The following DTNB variants were observed in gnomAD, a reference collection of about 807,000 sequenced individuals.
DTNB encodes the protein DTN-B.
Under a neutral mutation model 90.7 loss-of-function variants are expected in DTNB, and 63 were observed. That is an observed-to-expected ratio of 0.69 (90% CI 0.57 to 0.86). The LOEUF (loss-of-function observed/expected upper bound fraction) is 0.86. DTNB is among the 40% of genes least tolerant of loss of function. The pLI is 0.00. For synonymous variants in DTNB, 277 were observed against 286.7 expected, an observed-to-expected ratio of 0.97 and a Z score of 0.34; for missense variants, 744 against 807.1, an observed-to-expected ratio of 0.92 and a Z score of 0.95.
At chr2:25,531,683 G>A in intron 8 of DTNB, 86 bp from the exon 9 acceptor site, 7 of 1,496,294 alleles carry the variant, frequency 4.7e-6, no homozygotes, top group Non-Finnish European at 6.2e-6. Context: ...TGTGACAAGA[G>A]TGTAAAAACA....
At chr2:25,596,429 C>G (rs2064655508) in intron 5 of DTNB, 189 bp from the exon 6 acceptor site, 1 of 465,588 alleles carries the variant, frequency 2.1e-6, no homozygotes. Context: ...GCAGATGAGG[C>G]CCCTCTCTTC....
chr2:25,381,537 A>G (rs1185588108), intron 19 of DTNB, among the ~76,000 whole-genome samples: 2 of 152,120 alleles, frequency 1.3e-5, no homozygotes, highest in Non-Finnish European at 2.9e-5. Context: ...GCACTACCAC[A>G]TCCGGCTAAT....
intron 8 of DTNB, among the ~76,000 whole-genome samples, chr2:25,563,722 A>C (rs1176465402): frequency 6.6e-6 from 1 of 152,130 alleles, no homozygotes; most frequent in Non-Finnish European, 1.5e-5. Context: ...TCTTTCCTCC[A>C]TTGGATGGTC....
At chr2:25,384,942 G>A (rs927672849) in intron 18 of DTNB, among the ~76,000 whole-genome samples, 2 of 151,416 alleles carry the variant, frequency 1.3e-5, no homozygotes, top group South Asian at 2.1e-4. Flanking sequence ...ACAGCGGCGC[G>A]ATCTTGGCTC....
chr2:25,441,845 A>C (rs768308215), intron 12 of DTNB, among the ~76,000 whole-genome samples: 9 of 152,202 alleles, frequency 5.9e-5, no homozygotes, highest in Non-Finnish European at 8.8e-5. Context: ...CATCATAGGC[A>C]TTCCTAAGTT....
intron 16 of DTNB, among the ~76,000 whole-genome samples, chr2:25,415,244 CTTTTTTT>C (rs34257264): frequency 8.1e-6 from 1 of 123,522 alleles, no homozygotes; most frequent in Non-Finnish European, 1.7e-5. Context: ...ATAAGAGCTT[CTTTTTTT>C]TTTTTTTTTT....
intron 15 of DTNB, among the ~76,000 whole-genome samples, chr2:25,420,472 ATCTATCTATCT>A (rs1558447333): frequency 1.5e-4 from 6 of 40,228 alleles, no homozygotes; most frequent in South Asian, 8.8e-4. Flanking sequence ...AAATCAATCT[ATCTATCTATCT>A]ATCTATCTAT....
At chr2:25,508,387 G>GT (rs2073017833) in intron 9 of DTNB, among the ~76,000 whole-genome samples, 1 of 151,998 alleles carries the variant, frequency 6.6e-6, no homozygotes, top group Admixed American at 6.6e-5. Context: ...GGAAAGGGCT[G>GT]TTAAATATGA....
chr2:25,568,155 T>C (rs1313076307), intron 8 of DTNB, among the ~76,000 whole-genome samples: 4 of 134,420 alleles, frequency 3.0e-5, no homozygotes, highest in Admixed American at 7.6e-5. Context: ...AGACTCCGTC[T>C]CAAAAAAAAA....
At chr2:25,541,018 A>G (rs1486770774) in intron 8 of DTNB, among the ~76,000 whole-genome samples, 2 of 150,498 alleles carry the variant, frequency 1.3e-5, no homozygotes, top group Admixed American at 1.3e-4. Flanking sequence ...TGCGAGAAAC[A>G]CCCAAGAATG....
At chr2:25,578,754 C>A (rs2061098299) in intron 7 of DTNB, among the ~76,000 whole-genome samples, 1 of 152,106 alleles carries the variant, frequency 6.6e-6, no homozygotes, top group Admixed American at 6.5e-5. Flanking sequence ...TTGTTATATA[C>A]CTACACTTGG....
At chr2:25,457,212 G>A (rs972593911) in intron 10 of DTNB, among the ~76,000 whole-genome samples, 2 of 152,022 alleles carry the variant, frequency 1.3e-5, no homozygotes, top group African/African-American at 4.8e-5. Context: ...GTTTCACCAT[G>A]TTGGCCAGGA....
intron 4 of DTNB, among the ~76,000 whole-genome samples, chr2:25,627,958 C>A (rs371075655): frequency 1.5e-3 from 227 of 152,102 alleles, no homozygotes; most frequent in Admixed American, 2.4e-3. Flanking sequence ...GGATGGTCTC[C>A]ATCTCCTGAC....
At chr2:25,615,034 G>A (rs765389797) in intron 4 of DTNB, among the ~76,000 whole-genome samples, 1 of 152,160 alleles carries the variant, frequency 6.6e-6, no homozygotes, top group Non-Finnish European at 1.5e-5. Flanking sequence ...TCTGACCAAC[G>A]AACTATAAAA....
At position 25,445,702 on chromosome 2, in the gene DTNB, C is replaced by T. The variant is rs539225246; in HGVS notation, c.1257+5846G>A. On this transcript the variant is annotated intron_variant, in intron 12 of 20. Transcript: ENST00000406818. Reference sequence around the variant, plus strand: ...GGGCCTTTACATATGCTGAAATACCCCGCTGGGCATACACTTCATTCTCTT... The same window carrying T: ...GGGCCTTTACATATGCTGAAATACCTCGCTGGGCATACACTTCATTCTCTT... Among the ~76,000 whole-genome samples the T allele has an allele frequency of 2.0e-5, 3 of 152,282 alleles. No homozygotes were observed. The East Asian group carries it at 5.8e-4, about 29-fold the overall frequency.
intron 2 of DTNB, among the ~76,000 whole-genome samples, chr2:25,651,884 A>G (rs1458469166): frequency 6.6e-6 from 1 of 152,144 alleles, no homozygotes; most frequent in Admixed American, 6.5e-5. Context: ...GGGGGAAAAA[A>G]AGAGTACAGT....
chr2:25,396,594 C>T (rs951948150), intron 16 of DTNB, among the ~76,000 whole-genome samples: 1 of 151,662 alleles, frequency 6.6e-6, no homozygotes, highest in Non-Finnish European at 1.5e-5. Context: ...TAAAAGACTA[C>T]ACATTGGGTA....
chr2:25,441,992 G>C (rs2057499049), intron 12 of DTNB, among the ~76,000 whole-genome samples: 1 of 151,812 alleles, frequency 6.6e-6, no homozygotes, highest in Non-Finnish European at 1.5e-5. Context: ...ACTTATTCCA[G>C]ACCAAACAGG....
intron 4 of DTNB, among the ~76,000 whole-genome samples, chr2:25,624,806 T>C (rs964464252): frequency 6.6e-5 from 10 of 152,194 alleles, no homozygotes; most frequent in African/African-American, 2.4e-4. Flanking sequence ...CACCAGACTG[T>C]ATGACTACCA....
Sources: allele counts gnomAD v4.1 joint callset (sites outside exome capture counted in the v4.1 genomes callset), GRCh38; gene constraint gnomAD v4.1.1; transcripts MANE v1.5; gene names NCBI Gene and HGNC (gene_info 2026-07-23, HGNC 2026-07-21).